The following RRP36 variants were observed in gnomAD, a reference collection of about 807,000 sequenced individuals.
RRP36 encodes ribosomal RNA processing protein 36 homolog.
RRP36 carries 44 observed loss-of-function variants against 39.8 expected under a neutral mutation model. The ratio of observed to expected loss-of-function variants is 1.10; its 90% confidence interval spans 0.87 to 1.42. RRP36 has a LOEUF of 1.42. RRP36 is among the 40% of genes most tolerant of loss of function. The probability of loss-of-function intolerance (pLI) is 0.00; values close to 1 mark genes in which losing one functional copy is unlikely to be tolerated. For synonymous variants in RRP36, 124 were observed against 123.1 expected, an observed-to-expected ratio of 1.01 and a Z score of -0.05; for missense variants, 316 against 322.4, an observed-to-expected ratio of 0.98 and a Z score of 0.15.
intron 4 of RRP36, among the ~76,000 whole-genome samples, chr6:43,026,787 G>A (rs1413557120): frequency 1.3e-5 from 2 of 151,738 alleles, no homozygotes; most frequent in Non-Finnish European, 2.9e-5. Context: ...GGTGGATCAC[G>A]AGGTCAGGAG....
At chr6:43,024,124 G>A (rs1030776544) in intron 1 of RRP36, among the ~76,000 whole-genome samples, 6 of 152,316 alleles carry the variant, frequency 3.9e-5, no homozygotes, top group African/African-American at 1.4e-4. Flanking sequence ...AAAGTGCTGG[G>A]ATTACAGGCG....
At chr6:43,025,902 C>T in intron 3 of RRP36, 135 bp from the exon 4 acceptor site, 1 of 559,306 alleles carries the variant, frequency 1.8e-6, no homozygotes, top group Non-Finnish European at 3.1e-6. Context: ...CACTGCACTC[C>T]AGCCTGGGCG....
chr6:43,027,581 G>A, intron 6 of RRP36, 104 bp downstream of exon 6: 1 of 902,360 alleles, frequency 1.1e-6, no homozygotes, highest in South Asian at 1.6e-5. Flanking sequence ...AAGGCATGAA[G>A]GCTGGATCCC....
At chr6:43,027,590 C>A in intron 6 of RRP36, 113 bp downstream of exon 6, 1 of 837,840 alleles carries the variant, frequency 1.2e-6, no homozygotes, top group Non-Finnish European at 1.9e-6. Flanking sequence ...AGGCTGGATC[C>A]CATGGTAACT....
Position 43,028,500 on chromosome 6 carries a change from T to C in RRP36, c.644-592T>C, listed in dbSNP as rs148249745. Among the ~76,000 whole-genome samples the C allele has an allele frequency of 5.6e-3, 828 of 148,110 alleles. 8 individuals are homozygous for C. The highest frequency in any genetic ancestry group is 0.019 in the African/African-American group (770 of 39,620). The stretch of plus-strand genomic sequence containing the variant: ...CCGTCTCTACTAAAAATACAAAAAT[T>C]AGCTGGGTGTGGTGCTGTGCATCTG... On this transcript the variant is annotated intron_variant, in intron 6 of 6. Coordinates refer to ENST00000244496, the MANE Select transcript of RRP36 (RefSeq NM_033112.4).
At chr6:43,025,914 C>T in intron 3 of RRP36, 123 bp from the exon 4 acceptor site, 1 of 611,338 alleles carries the variant, frequency 1.6e-6, no homozygotes, top group South Asian at 2.1e-5. Flanking sequence ...GCCTGGGCGA[C>T]AGAGCGAGAC....
At chr6:43,025,934 A>G in intron 3 of RRP36, 103 bp from the exon 4 acceptor site, 1 of 855,376 alleles carries the variant, frequency 1.2e-6, no homozygotes, top group Non-Finnish European at 1.8e-6. Context: ...CTGTGTCTCA[A>G]AAAGCAAAAA....
intron 1 of RRP36, 62 bp downstream of exon 1, chr6:43,021,846 C>G: frequency 1.7e-6 from 2 of 1,159,200 alleles, no homozygotes; most frequent in Non-Finnish European, 1.1e-6. Context: ...GGGCCCTGAG[C>G]CTGCAGAGAC....
At chr6:43,022,560 C>T (rs1762741360) in intron 1 of RRP36, among the ~76,000 whole-genome samples, 1 of 150,242 alleles carries the variant, frequency 6.7e-6, no homozygotes, top group Admixed American at 6.6e-5. Flanking sequence ...ACTGCAGGCG[C>T]GTCACCACGC....
chr6:43,021,686 G>A lies in RRP36; in HGVS notation c.32G>A (p.Gly11Glu). The A allele has an allele frequency of 1.6e-6, 2 of 1,236,994 alleles. No individual in the cohort carries two copies. The highest frequency in any genetic ancestry group is 3.9e-5 in the South Asian group (1 of 25,838). 76.6% of individuals were successfully genotyped at this position (1,236,994 alleles called of 1,614,324 possible). A position where few individuals can be genotyped will look rare whatever the true frequency, so the allele number is the denominator to read the frequency against. ...GGAGCTAACTACCGCGCCGGGGCCG[G>A]GGCCGGGGCCGGGGCCCGACGTCCC... MPGANYRAGA[G>E]AGAGARRPRG... Residue 11 changes from glycine to glutamate, a missense_variant, in exon 1 of 7, where the codon GGG becomes GAG. Physicochemically the swap from Gly to Glu is moderately conservative, Grantham distance 98. Transcript: ENST00000244496.
Position 43,024,982 on chromosome 6 carries a change from C to G in RRP36, c.131-3C>G. On this transcript the variant is annotated splice_region_variant and splice_polypyrimidine_tract_variant and intron_variant, in intron 1 of 6. Coordinates refer to ENST00000244496, the MANE Select transcript of RRP36 (RefSeq NM_033112.4). ...AGTTGTATGTCCCTCCCCACTTCCACAGGCACATCTAACATGTCATTTGAG... is the reference window on the plus strand; with the variant it reads ...AGTTGTATGTCCCTCCCCACTTCCAGAGGCACATCTAACATGTCATTTGAG... 1 of 1,613,650 alleles carries G rather than the reference C, an allele frequency of 6.2e-7. No individual in the cohort carries two copies.
At position 43,021,704 on chromosome 6, in the gene RRP36, G is replaced by C. The variant is rs1349971012; in HGVS notation, c.50G>C (p.Arg17Pro). The C allele has an allele frequency of 4.7e-5, 56 of 1,195,910 alleles. No individual in the cohort carries two copies. Among genetic ancestry groups the C allele is most frequent in the Non-Finnish European group, 5.7e-5 (55 of 963,570 alleles). The allele number at this position is 1,195,910 out of a possible 1,614,324, so 74.1% of individuals were successfully genotyped here. A position where few individuals can be genotyped will look rare whatever the true frequency, so the allele number is the denominator to read the frequency against. Residue 17 changes from arginine to proline, a missense_variant, in exon 1 of 7, where the codon CGA (arginine) becomes CCA (proline). Transcript: ENST00000244496. ...RAGAGAGAGA[R>P]RPRGARDREE... ...GGGGCCGGGGCCGGGGCCGGGGCCC[G>C]ACGTCCCCGCGGGGCCCGGGACCGC...
At chr6:43,026,235 T>C (rs1762812290) in intron 4 of RRP36, 94 bp downstream of exon 4, 11 of 780,706 alleles carry the variant, frequency 1.4e-5, no homozygotes, top group Non-Finnish European at 2.4e-5. Context: ...GGAAGTATAG[T>C]GGTGGGCAGA....
chr6:43,025,817 T>C (rs545938747), intron 3 of RRP36, among the ~76,000 whole-genome samples: 264 of 151,640 alleles, frequency 1.7e-3, no homozygotes, highest in African/African-American at 5.1e-3. Context: ...CCTGTAGTCC[T>C]AGCTACTCAG....
At chr6:43,028,994 A>G in intron 6 of RRP36, 98 bp from the exon 7 acceptor site, 3 of 1,487,942 alleles carry the variant, frequency 2.0e-6, no homozygotes, top group Non-Finnish European at 2.8e-6. Flanking sequence ...TAAAGAACTC[A>G]TGTATCCAGC....
rs1762715972 is a variant in RRP36 at position 43,021,709 on chromosome 6, CCCCG to C, written c.57_60del (p.Arg20GlyfsTer22). 3 of 1,194,884 alleles carry C rather than the reference CCCCG, an allele frequency of 2.5e-6. No individual in the cohort carries two copies. The Admixed American group carries it at 1.7e-4, about 68-fold the overall frequency. The allele number at this position is 1,194,884 out of a possible 1,614,324, so 74.0% of individuals were successfully genotyped here. On this transcript the variant is annotated frameshift_variant, in exon 1 of 7. Transcript: ENST00000244496. LOFTEE classifies it high-confidence loss of function. ...CGGGGCCGGGGCCGGGGCCCGACGT[CCCCG>C]CGGGGCCCGGGACCGCGAGGAGGAC...
chr6:43,023,979 C>G (rs1406877683), intron 1 of RRP36, among the ~76,000 whole-genome samples: 1 of 151,594 alleles, frequency 6.6e-6, no homozygotes, highest in Non-Finnish European at 1.5e-5. Context: ...GCCTCAGCCT[C>G]CCGAGTAGCT....
At chr6:43,023,800 C>T (rs571951706) in intron 1 of RRP36, among the ~76,000 whole-genome samples, 13 of 151,446 alleles carry the variant, frequency 8.6e-5, no homozygotes, top group African/African-American at 2.7e-4. Context: ...AATTATAGCT[C>T]AATTTTTTTT....
At chr6:43,025,405 T>G (rs2150296151) in intron 3 of RRP36, 76 bp downstream of exon 3, 2 of 1,322,074 alleles carry the variant, frequency 1.5e-6, no homozygotes, top group East Asian at 4.6e-5. Context: ...GGCGATCACC[T>G]GAGATCAGGA....
Sources: allele counts gnomAD v4.1 joint callset (sites outside exome capture counted in the v4.1 genomes callset), GRCh38; gene constraint gnomAD v4.1.1; transcripts MANE v1.5; gene names NCBI Gene and HGNC (gene_info 2026-07-23, HGNC 2026-07-21).